The following NKAIN3 variants were observed in gnomAD, a reference collection of about 807,000 sequenced individuals.
NKAIN3 encodes sodium/potassium transporting ATPase interacting 3, also known as sodium/potassium-transporting ATPase subunit beta-1-interacting protein 3.
Under a neutral mutation model 30.2 loss-of-function variants are expected in NKAIN3, and 25 were observed. The observed-to-expected ratio is 0.83, with a 90% CI of 0.60 to 1.16. The LOEUF (loss-of-function observed/expected upper bound fraction) is 1.16, where lower values mean the gene tolerates loss of function less well. Ranked by LOEUF, NKAIN3 falls within the 50% of genes most tolerant of loss-of-function variation. The pLI is 0.00. For synonymous variants in NKAIN3, 91 were observed against 89.6 expected, an observed-to-expected ratio of 1.02 and a Z score of -0.09; for missense variants, 225 against 254.1, an observed-to-expected ratio of 0.89 and a Z score of 0.78.
At chr8:62,336,663 G>T (rs556897915) in intron 1 of NKAIN3, among the ~76,000 whole-genome samples, 49 of 152,010 alleles carry the variant, frequency 3.2e-4, no homozygotes, top group Middle Eastern at 3.4e-3. Flanking sequence ...TTCTACTGTT[G>T]TGTAAAAATT....
chr8:62,608,883 A>G (rs554204948), intron 3 of NKAIN3, among the ~76,000 whole-genome samples: 3 of 152,302 alleles, frequency 2.0e-5, no homozygotes, highest in Admixed American at 6.5e-5. Context: ...AAAATGTCCA[A>G]TGATTTAGAA....
Position 62,883,457 on chromosome 8 carries a change from G to GTTGTTTTTTTTTTTTT in NKAIN3, c.472-34994_472-34993insGTTTTTTTTTTTTTTT. ...TTTATTATTTCCAGGAGTTTTATGG[G>GTTGTTTTTTTTTTTTT]TTTTTTTTTTTTTTTTCAGATTTTC... On this transcript the variant is annotated intron_variant, in intron 4 of 6. Transcript: ENST00000623646. Among the ~76,000 whole-genome samples, 434 of 70,140 alleles carry GTTGTTTTTTTTTTTTT rather than the reference G, an allele frequency of 6.2e-3. 46 individuals carry two copies. Among genetic ancestry groups the GTTGTTTTTTTTTTTTT allele is most frequent in the African/African-American group, 0.015 (216 of 14,272 alleles). 46.0% of individuals were successfully genotyped at this position (70,140 alleles called of 152,430 possible).
intron 1 of NKAIN3, among the ~76,000 whole-genome samples, chr8:62,252,219 G>A (rs949039334): frequency 6.6e-6 from 1 of 152,000 alleles, no homozygotes; most frequent in African/African-American, 2.4e-5. Flanking sequence ...AACTAGTGAG[G>A]GTGTTGAAAG....
In NKAIN3 at chr8:62,973,696, T is replaced by C. The variant is rs1314002956; in HGVS notation, c.*8289T>C. Among the ~76,000 whole-genome samples, 1 of 149,964 alleles carries C rather than the reference T, an allele frequency of 6.7e-6. No individual in the cohort carries two copies. Among genetic ancestry groups the C allele is most frequent in the African/African-American group, 2.5e-5 (1 of 39,298 alleles). On this transcript the variant is annotated 3_prime_UTR_variant, in exon 7 of 7. Transcript: ENST00000623646. Reference sequence around the variant, plus strand: ...AGATCCCATTTGTCAATTTTGGCTTTTGTTGACATTGCTTTTGGTGTTTCA... The same window carrying C: ...AGATCCCATTTGTCAATTTTGGCTTCTGTTGACATTGCTTTTGGTGTTTCA...
intron 1 of NKAIN3, among the ~76,000 whole-genome samples, chr8:62,287,864 G>C (rs1772446848): frequency 6.6e-6 from 1 of 152,004 alleles, no homozygotes; most frequent in African/African-American, 2.4e-5. Flanking sequence ...GACTCCTTTG[G>C]GAAGCACAGG....
At chr8:62,846,467 G>C (rs752302506) in intron 4 of NKAIN3, among the ~76,000 whole-genome samples, 8 of 152,032 alleles carry the variant, frequency 5.3e-5, no homozygotes, top group Non-Finnish European at 1.2e-4. Context: ...TCTTCCTGAT[G>C]TTCTCCTTCC....
At position 62,918,488 on chromosome 8, in the gene NKAIN3, T is replaced by C. The variant is rs1379590587; in HGVS notation, c.507T>C (p.Ser169=). ...VGFVYACYVI[S]ISMEEEDTFD... is the part of the protein sequence containing the mutation. ...TTGTGTATGCCTGTTATGTGATCAGTATTTCCATGGAAGAAGAAGACACAT... is the reference window on the plus strand; with the variant it reads ...TTGTGTATGCCTGTTATGTGATCAGCATTTCCATGGAAGAAGAAGACACAT... Residue 169 remains serine, a synonymous_variant, in exon 5 of 7, where the codon AGT becomes AGC. Coordinates refer to ENST00000623646, the MANE Select transcript of NKAIN3 (RefSeq NM_001304533.3). 3.1e-6 allele frequency: 5 copies of C among 1,613,240 alleles called. No individual in the cohort carries two copies. Among genetic ancestry groups the C allele is most frequent in the Admixed American group, 1.7e-5 (1 of 60,012 alleles).
intron 3 of NKAIN3, among the ~76,000 whole-genome samples, chr8:62,719,961 G>A (rs1205435965): frequency 1.3e-5 from 2 of 151,804 alleles, no homozygotes; most frequent in African/African-American, 4.8e-5. Flanking sequence ...GTTTCACCGT[G>A]TTAGACAGGA....
chr8:62,405,144 C>A (rs894229931), intron 1 of NKAIN3, among the ~76,000 whole-genome samples: 1 of 152,150 alleles, frequency 6.6e-6, no homozygotes, highest in Admixed American at 6.5e-5. Flanking sequence ...AATACAAAGT[C>A]CTCTTTACTT....
At chr8:62,757,443 A>G (rs1816489402) in intron 4 of NKAIN3, among the ~76,000 whole-genome samples, 1 of 152,192 alleles carries the variant, frequency 6.6e-6, no homozygotes, top group African/African-American at 2.4e-5. Context: ...CTGTAAGAGC[A>G]CTATGCTGAG....
intron 5 of NKAIN3, among the ~76,000 whole-genome samples, chr8:62,946,142 C>T (rs946974216): frequency 6.6e-6 from 1 of 152,164 alleles, no homozygotes; most frequent in Non-Finnish European, 1.5e-5. Context: ...ATAAAGAAAA[C>T]AACCATAAAT....
At chr8:62,940,124 A>G (rs1822908514) in intron 5 of NKAIN3, among the ~76,000 whole-genome samples, 1 of 148,200 alleles carries the variant, frequency 6.7e-6, no homozygotes, top group South Asian at 2.2e-4. Context: ...TATATCAGAC[A>G]AAACAAACTT....
intron 1 of NKAIN3, among the ~76,000 whole-genome samples, chr8:62,326,639 CA>C (rs1314283499): frequency 6.6e-6 from 1 of 151,740 alleles, no homozygotes; most frequent in Admixed American, 6.6e-5. Context: ...GAAGTTGGTT[CA>C]AAAAACTAAA....
chr8:62,504,787 C>A (rs191681290), intron 1 of NKAIN3, among the ~76,000 whole-genome samples: 4 of 152,266 alleles, frequency 2.6e-5, no homozygotes, highest in Admixed American at 2.6e-4. Context: ...ATCTCCCTTA[C>A]AGTGTTATAA....
intron 2 of NKAIN3, among the ~76,000 whole-genome samples, chr8:62,581,821 CTTCCTTCCCTCTT>C: frequency 7.3e-5 from 2 of 27,372 alleles, no homozygotes; most frequent in Admixed American, 4.5e-4. Flanking sequence ...TCCTTCTTTA[CTTCCTTCCCTCTT>C]TCCTTTTTTC....
chr8:62,646,634 C>A (rs1157944125), intron 3 of NKAIN3, among the ~76,000 whole-genome samples: 1 of 152,064 alleles, frequency 6.6e-6, no homozygotes, highest in East Asian at 1.9e-4. Flanking sequence ...CAAATCTATT[C>A]CATTAAACAA....
At chr8:62,949,538 G>T (rs576778617) in intron 5 of NKAIN3, among the ~76,000 whole-genome samples, 24 of 152,226 alleles carry the variant, frequency 1.6e-4, no homozygotes, top group African/African-American at 5.3e-4. Context: ...GAAGTTGCTC[G>T]GCTGTGCTCC....
At chr8:62,789,092 G>A (rs1156757205) in intron 4 of NKAIN3, among the ~76,000 whole-genome samples, 1 of 151,918 alleles carries the variant, frequency 6.6e-6, no homozygotes, top group Non-Finnish European at 1.5e-5. Context: ...AGCTTGATGG[G>A]GATGGCATTG....
At chr8:62,478,548 C>CTGGT (rs1339007788) in intron 1 of NKAIN3, among the ~76,000 whole-genome samples, 5 of 152,182 alleles carry the variant, frequency 3.3e-5, no homozygotes, top group Admixed American at 2.0e-4. Context: ...CAATCATGCA[C>CTGGT]TTACCAGAGT....
Sources: gnomAD v4.1 joint callset for allele counts (sites outside exome capture counted in the v4.1 genomes callset) on GRCh38, gnomAD v4.1.1 for gene constraint, MANE v1.5 for transcripts, NCBI Gene and HGNC (gene_info 2026-07-23, HGNC 2026-07-21) for gene names.